Variants in CDKAL1 observed in about 807,000 individuals in gnomAD.
CDKAL1 encodes threonylcarbamoyladenosine tRNA methylthiotransferase.
In CDKAL1, 32 loss-of-function variants were observed where a neutral mutation model predicts 68.2. The ratio of observed to expected loss-of-function variants is 0.47; its 90% confidence interval spans 0.35 to 0.63. The LOEUF (loss-of-function observed/expected upper bound fraction) is 0.63, where lower values mean the gene tolerates loss of function less well. CDKAL1 is among the 30% of genes least tolerant of loss of function. The pLI is 0.00. For missense variants in CDKAL1, 606 were observed against 696.7 expected, an observed-to-expected ratio of 0.87 and a Z score of 1.47; for synonymous variants, 234 against 244.3, an observed-to-expected ratio of 0.96 and a Z score of 0.39.
At chr6:21,196,424 T>C (rs1167755520) in intron 13 of CDKAL1, among the ~76,000 whole-genome samples, 1 of 152,214 alleles carries the variant, frequency 6.6e-6, no homozygotes, top group Non-Finnish European at 1.5e-5. Flanking sequence ...TTTTTTACAC[T>C]TGATTTTTTT....
intron 11 of CDKAL1, among the ~76,000 whole-genome samples, chr6:21,034,434 T>TA (rs890647226): frequency 1.4e-4 from 22 of 152,256 alleles, no homozygotes; most frequent in African/African-American, 5.3e-4. Context: ...CGATTTTTAA[T>TA]AAAAAAATTT....
intron 8 of CDKAL1, among the ~76,000 whole-genome samples, chr6:20,798,318 C>T (rs186715206): frequency 6.6e-6 from 1 of 151,962 alleles, no homozygotes; most frequent in East Asian, 1.9e-4. Context: ...AATACATAGG[C>T]TAAATTCATA....
intron 9 of CDKAL1, among the ~76,000 whole-genome samples, chr6:20,946,327 G>A (rs1390677636): frequency 2.0e-5 from 3 of 152,064 alleles, no homozygotes; most frequent in African/African-American, 7.2e-5. Flanking sequence ...TCTGCTTCAA[G>A]GGCTCTTCCT....
At chr6:21,086,264 A>G (rs1407331292) in intron 12 of CDKAL1, among the ~76,000 whole-genome samples, 1 of 152,212 alleles carries the variant, frequency 6.6e-6, no homozygotes, top group African/African-American at 2.4e-5. Context: ...TGCTTCTTAA[A>G]TATTGTATCT....
At chr6:21,141,124 A>T (rs1410591342) in intron 13 of CDKAL1, among the ~76,000 whole-genome samples, 2 of 152,174 alleles carry the variant, frequency 1.3e-5, no homozygotes, top group African/African-American at 4.8e-5. Context: ...GCCAAACCAT[A>T]TCACTACACA....
chr6:21,192,107 C>T (rs1286692516), intron 13 of CDKAL1, among the ~76,000 whole-genome samples: 11 of 136,456 alleles, frequency 8.1e-5, no homozygotes, highest in African/African-American at 1.1e-4. Context: ...CTGCAAGCTC[C>T]GCTTCCCGGG....
intron 9 of CDKAL1, among the ~76,000 whole-genome samples, chr6:20,847,074 T>C (rs542180154): frequency 6.6e-6 from 1 of 152,330 alleles, no homozygotes; most frequent in South Asian, 2.1e-4. Flanking sequence ...TAGAAAACTT[T>C]TAGAAACATG....
intron 4 of CDKAL1, among the ~76,000 whole-genome samples, chr6:20,638,033 G>T (rs547854567): frequency 1.1e-3 from 171 of 152,268 alleles, no homozygotes; most frequent in African/African-American, 4.0e-3. Flanking sequence ...AATAATACCT[G>T]TATGTTTGCA....
At chr6:20,846,017 G>C in intron 8 of CDKAL1, 58 bp from the exon 9 acceptor site, 1 of 1,062,186 alleles carries the variant, frequency 9.4e-7, no homozygotes, top group Non-Finnish European at 1.4e-6. Flanking sequence ...GTATCCCCAT[G>C]TTAAGTATAT....
At chr6:21,076,389 G>A (rs4367364) in intron 12 of CDKAL1, among the ~76,000 whole-genome samples, 26,686 of 152,062 alleles carry the variant, frequency 0.18, 2,597 homozygotes, top group East Asian at 0.33. Flanking sequence ...ACGTGAGTGC[G>A]CACATGTACA....
intron 5 of CDKAL1, among the ~76,000 whole-genome samples, chr6:20,697,743 C>T (rs1771166206): frequency 1.3e-5 from 2 of 152,148 alleles, no homozygotes; most frequent in African/African-American, 4.8e-5. Context: ...TTTTGTCATT[C>T]ATAATGGTTA....
chr6:20,658,003 T>C (rs1020033345), intron 5 of CDKAL1, among the ~76,000 whole-genome samples: 3 of 137,274 alleles, frequency 2.2e-5, no homozygotes, highest in African/African-American at 6.5e-5. Context: ...GGCCTTTAAC[T>C]TGGGGGGGTT....
chr6:20,804,881 T>A (rs1776503547), intron 8 of CDKAL1, among the ~76,000 whole-genome samples: 1 of 152,138 alleles, frequency 6.6e-6, no homozygotes, highest in Non-Finnish European at 1.5e-5. Flanking sequence ...AGTCTACTGT[T>A]TTGATAGTTG....
intron 4 of CDKAL1, among the ~76,000 whole-genome samples, chr6:20,568,395 C>T (rs568363142): frequency 2.0e-5 from 3 of 152,150 alleles, no homozygotes; most frequent in South Asian, 2.1e-4. Flanking sequence ...AGGTCATCTT[C>T]TTTCACATGC....
chr6:20,778,953 TG>T (rs954620117), intron 7 of CDKAL1, among the ~76,000 whole-genome samples: 2 of 152,186 alleles, frequency 1.3e-5, no homozygotes, highest in African/African-American at 4.8e-5. Context: ...GTGTACCTTG[TG>T]GCGCAGTCAA....
In CDKAL1 at chr6:21,198,095, C is replaced by T. The variant is rs1274523247; in HGVS notation, c.1374C>T (p.Phe458=). Reference sequence around the variant, plus strand: ...AGTTTTATGTTGCACACAATCAATTCTATGAGCAGGTAAGAGGCACTTCAG... The same window carrying T: ...AGTTTTATGTTGCACACAATCAATTTTATGAGCAGGTAAGAGGCACTTCAG... ...DSKFYVAHNQ[F]YEQVLVPKNP... Residue 458 remains phenylalanine (F), a synonymous_variant, in exon 14 of 16, where the codon TTC becomes TTT. Transcript: ENST00000274695. 1 of 1,595,750 alleles carries T rather than the reference C, an allele frequency of 6.3e-7. No individual in the cohort carries two copies. The highest frequency in any genetic ancestry group is 2.3e-5 in the East Asian group (1 of 44,286).
At chr6:20,830,696 CCTT>C (rs1233492918) in intron 8 of CDKAL1, among the ~76,000 whole-genome samples, 7 of 152,236 alleles carry the variant, frequency 4.6e-5, no homozygotes, top group East Asian at 1.9e-4. Context: ...CTCCTTCCCT[CCTT>C]CTCTCCTCTC....
At chr6:20,704,953 A>T (rs1771531508) in intron 5 of CDKAL1, among the ~76,000 whole-genome samples, 1 of 152,236 alleles carries the variant, frequency 6.6e-6, no homozygotes, top group Non-Finnish European at 1.5e-5. Context: ...CTAAAATGAG[A>T]ATAACAATTC....
At chr6:20,844,820 C>G (rs1418818284) in intron 8 of CDKAL1, among the ~76,000 whole-genome samples, 1 of 152,102 alleles carries the variant, frequency 6.6e-6, no homozygotes, top group African/African-American at 2.4e-5. Context: ...TTTCCCTTTC[C>G]CCTTGTTATA....
Sources: gnomAD v4.1 joint callset for allele counts (sites outside exome capture counted in the v4.1 genomes callset) on GRCh38, gnomAD v4.1.1 for gene constraint, MANE v1.5 for transcripts, NCBI Gene and HGNC (gene_info 2026-07-23, HGNC 2026-07-21) for gene names.